Variants in SH3RF3 observed in about 807,000 individuals in gnomAD.
The protein encoded by SH3RF3 is E3 ubiquitin-protein ligase SH3RF3.
A neutral mutation model predicts 66.3 loss-of-function variants in SH3RF3; 29 were observed. The ratio of observed to expected loss-of-function variants is 0.44; its 90% CI spans 0.33 to 0.60. SH3RF3 has a LOEUF of 0.60. Among genes scored for constraint, SH3RF3 ranks in the 20% least tolerant of loss-of-function variants. The probability of loss-of-function intolerance (pLI) is 0.04; values close to 1 mark genes in which losing one functional copy is unlikely to be tolerated. For missense variants in SH3RF3, 1,194 were observed against 1,190.9 expected (o/e 1.00, Z -0.04); for synonymous variants, 583 against 532.0 (o/e 1.10, Z -1.32).
At position 109,432,579 on chromosome 2, in the gene SH3RF3, C is replaced by T. The variant is rs114691378; in HGVS notation, c.1482C>T (p.Leu494=). ...ELHKGEMYRV[L]EKCQDGWFKG... is the part of the protein sequence containing the mutation. Reference sequence around the variant, plus strand: ...ACAAGGGAGAGATGTACCGGGTCCTCGAGAAGTGTCAGGATGGCTGGTTCA... The same window carrying T: ...ACAAGGGAGAGATGTACCGGGTCCTTGAGAAGTGTCAGGATGGCTGGTTCA... Residue 494 remains leucine (L), a synonymous_variant, in exon 6 of 10, where the codon CTC becomes CTT. Coordinates refer to ENST00000309415, the MANE Select transcript of SH3RF3 (RefSeq NM_001099289.3). 2,795 of 1,613,520 alleles carry T rather than the reference C, an allele frequency of 1.7e-3. 59 individuals are homozygous for T. The African/African-American group carries it at 0.033, about 19-fold the overall frequency.
At chr2:109,189,375 T>TC (rs1349169168) in intron 1 of SH3RF3, among the ~76,000 whole-genome samples, 1 of 151,058 alleles carries the variant, frequency 6.6e-6, no homozygotes. Context: ...GACTTTTTTT[T>TC]TTTTTTCTTT....
intron 1 of SH3RF3, among the ~76,000 whole-genome samples, chr2:109,213,764 G>A (rs918140431): frequency 6.6e-6 from 1 of 152,202 alleles, no homozygotes; most frequent in Non-Finnish European, 1.5e-5. Context: ...AAATAGGAAC[G>A]TGACGTGGTC....
chr2:109,173,573 G>A (rs1361043501), intron 1 of SH3RF3, among the ~76,000 whole-genome samples: 3 of 152,186 alleles, frequency 2.0e-5, no homozygotes, highest in Admixed American at 2.0e-4. Flanking sequence ...GCTGGTGGCT[G>A]CGGGGAAGGC....
chr2:109,420,095 G>A (rs1200851363), intron 5 of SH3RF3, among the ~76,000 whole-genome samples: 1 of 152,248 alleles, frequency 6.6e-6, no homozygotes, highest in East Asian at 1.9e-4. Context: ...ACCAGCGCAT[G>A]CCAGCTGCAT....
At chr2:109,270,490 T>C (rs1052171492) in intron 1 of SH3RF3, among the ~76,000 whole-genome samples, 2 of 152,182 alleles carry the variant, frequency 1.3e-5, no homozygotes, top group Admixed American at 6.5e-5. Flanking sequence ...TCTGAGCCAC[T>C]GGACTTAATG....
chr2:109,368,102 A>T (rs927311790), intron 2 of SH3RF3, among the ~76,000 whole-genome samples: 1 of 152,214 alleles, frequency 6.6e-6, no homozygotes, highest in African/African-American at 2.4e-5. Flanking sequence ...TTCTTCTTTC[A>T]TGAGTTCCCT....
At chr2:109,155,924 C>T (rs1289452226) in intron 1 of SH3RF3, among the ~76,000 whole-genome samples, 6 of 152,174 alleles carry the variant, frequency 3.9e-5, no homozygotes, top group East Asian at 1.9e-4. Flanking sequence ...TGTATTGGAT[C>T]GGGCTAAGGT....
chr2:109,162,207 G>A (rs534722396), intron 1 of SH3RF3, among the ~76,000 whole-genome samples: 3 of 152,166 alleles, frequency 2.0e-5, no homozygotes, highest in African/African-American at 7.2e-5. Flanking sequence ...CTTTATGTGT[G>A]CCTAGGCTTG....
chr2:109,263,721 C>T (rs971566563), intron 1 of SH3RF3, among the ~76,000 whole-genome samples: 2 of 152,190 alleles, frequency 1.3e-5, no homozygotes, highest in Admixed American at 6.5e-5. Flanking sequence ...AATCCCAGCA[C>T]TTTGGGAGGC....
At chr2:109,249,436 C>G (rs921070023) in intron 1 of SH3RF3, among the ~76,000 whole-genome samples, 1 of 151,746 alleles carries the variant, frequency 6.6e-6, no homozygotes, top group Admixed American at 6.6e-5. Flanking sequence ...CCCTTCCCTC[C>G]TGCACCAGAT....
In SH3RF3 at chr2:109,285,830, C is replaced by T. The variant is rs891954056; in HGVS notation, c.574-61844C>T. On this transcript the variant is annotated intron_variant, in intron 1 of 9. Transcript: ENST00000309415. ...CTCCTTCCAGTCCTGGCCTTGTTGG[C>T]TTCACTGCCTCTGCGTGGCTCCAAG... is the stretch of plus-strand genomic sequence containing the variant. Among the ~76,000 whole-genome samples the T allele has an allele frequency of 3.9e-5, 6 of 152,354 alleles. No individual in the cohort carries two copies. The East Asian group carries it at 1.2e-3, about 29-fold the overall frequency.
At chr2:109,325,323 CTTTCTTTCTTTTTTTTTTTTT>C (rs1246391683) in intron 1 of SH3RF3, among the ~76,000 whole-genome samples, 2 of 119,202 alleles carry the variant, frequency 1.7e-5, no homozygotes, top group African/African-American at 6.4e-5. Flanking sequence ...TTCTTTCTTT[CTTTCTTTCTTTTTTTTTTTTT>C]TTTTTTTTTT....
rs79499559 is a variant in SH3RF3 at position 109,170,788 on chromosome 2, C to T, written c.573+40675C>T. Among the ~76,000 whole-genome samples the T allele has an allele frequency of 9.5e-3, 1,443 of 152,312 alleles. 32 individuals are homozygous for T. Among genetic ancestry groups the T allele is most frequent in the African/African-American group, 0.032 (1,349 of 41,572 alleles). ...GTGCGGATGACCCATCTGTTTCTCT[C>T]AGGAAGCTGACATCCAGGTGCACAG... On this transcript the variant is annotated intron_variant, in intron 1 of 9. Transcript: ENST00000309415.
chr2:109,292,064 C>T (rs1168917863), intron 1 of SH3RF3, among the ~76,000 whole-genome samples: 3 of 152,138 alleles, frequency 2.0e-5, no homozygotes, highest in Non-Finnish European at 4.4e-5. Flanking sequence ...GAGGTTTCAC[C>T]GTGTTAGCCA....
chr2:109,399,095 C>T (rs1676235936), intron 4 of SH3RF3, among the ~76,000 whole-genome samples, 152 bp downstream of exon 4: 1 of 152,158 alleles, frequency 6.6e-6, no homozygotes, highest in African/African-American at 2.4e-5. Flanking sequence ...TGCTGCCTGG[C>T]ACTGGGGCCC....
At chr2:109,463,608 C>T (rs998930076) in intron 8 of SH3RF3, among the ~76,000 whole-genome samples, 2 of 152,138 alleles carry the variant, frequency 1.3e-5, no homozygotes, top group Non-Finnish European at 2.9e-5. Flanking sequence ...AACTTGGTAA[C>T]AAACAGGGAC....
At chr2:109,393,540 C>G (rs1288326694) in intron 3 of SH3RF3, among the ~76,000 whole-genome samples, 1 of 152,128 alleles carries the variant, frequency 6.6e-6, no homozygotes, top group Non-Finnish European at 1.5e-5. Context: ...GTGCTCAGTC[C>G]GTTTTGTTTT....
intron 8 of SH3RF3, among the ~76,000 whole-genome samples, chr2:109,457,117 G>A (rs1240496042): frequency 3.9e-5 from 6 of 152,216 alleles, no homozygotes; most frequent in African/African-American, 1.2e-4. Context: ...AAATGGGGAC[G>A]ATAGCACCTA....
intron 3 of SH3RF3, among the ~76,000 whole-genome samples, chr2:109,372,961 A>T (rs1683307257): frequency 6.6e-6 from 1 of 152,234 alleles, no homozygotes; most frequent in African/African-American, 2.4e-5. Context: ...TTAGCTTAGC[A>T]TTCAAAGCCC....
Sources: gnomAD v4.1 joint callset for allele counts (sites outside exome capture counted in the v4.1 genomes callset) on GRCh38, gnomAD v4.1.1 for gene constraint, MANE v1.5 for transcripts, NCBI Gene and HGNC (gene_info 2026-07-23, HGNC 2026-07-21) for gene names.